Variants in VEPH1 observed in about 807,000 individuals in gnomAD.
VEPH1 encodes ventricular zone-expressed PH domain-containing protein homolog 1.
In VEPH1, 80 loss-of-function variants were observed where a neutral mutation model predicts 85.2. The ratio of observed to expected loss-of-function variants is 0.94; its 90% confidence interval spans 0.78 to 1.13. The LOEUF (loss-of-function observed/expected upper bound fraction) is 1.13. Among genes scored for constraint, VEPH1 ranks in the 50% most tolerant of loss-of-function variants. The pLI is 0.00. For synonymous variants in VEPH1, 297 were observed against 348.0 expected, an observed-to-expected ratio of 0.85 and a Z score of 1.63; for missense variants, 955 against 980.5, an observed-to-expected ratio of 0.97 and a Z score of 0.35.
At chr3:157,402,447 C>T (rs1316497568) in intron 6 of VEPH1, among the ~76,000 whole-genome samples, 1 of 152,100 alleles carries the variant, frequency 6.6e-6, no homozygotes, top group African/African-American at 2.4e-5. Context: ...CCTCTTAAAG[C>T]AGAAGGCAGC....
rs752668450 is a variant in VEPH1, at chr3:157,442,692, G to C, written c.530-14204C>G. 4 of 1,614,096 alleles carry C rather than the reference G, an allele frequency of 2.5e-6. No individual in the cohort carries two copies. The South Asian group carries it at 3.3e-5, about 13-fold the overall frequency. ...AGGGCTCACATCCTTGTGGGTAAATGGTGAACTGGCGGCTACCACTGTTGA... is the reference window on the plus strand; with the variant it reads ...AGGGCTCACATCCTTGTGGGTAAATCGTGAACTGGCGGCTACCACTGTTGA... On this transcript the variant is annotated intron_variant, in intron 4 of 13. Transcript: ENST00000362010.
At chr3:157,326,286 G>A (rs1721896628) in intron 9 of VEPH1, among the ~76,000 whole-genome samples, 2 of 152,146 alleles carry the variant, frequency 1.3e-5, no homozygotes, top group East Asian at 3.8e-4. Context: ...TTTGCCTTCT[G>A]AGTACATAGC....
intron 6 of VEPH1, among the ~76,000 whole-genome samples, chr3:157,413,280 A>ATGCCAT (rs1158796792): frequency 2.6e-5 from 4 of 152,180 alleles, no homozygotes; most frequent in African/African-American, 9.6e-5. Flanking sequence ...CTACTGAAAG[A>ATGCCAT]TGCCATTATG....
At chr3:157,281,227 G>A (rs1317602739) in intron 12 of VEPH1, among the ~76,000 whole-genome samples, 4 of 152,082 alleles carry the variant, frequency 2.6e-5, no homozygotes, top group African/African-American at 7.2e-5. Flanking sequence ...TAGGAAGATG[G>A]AAGATGGGGA....
At chr3:157,497,935 A>G (rs1739799960) in intron 1 of VEPH1, among the ~76,000 whole-genome samples, 1 of 152,220 alleles carries the variant, frequency 6.6e-6, no homozygotes, top group African/African-American at 2.4e-5. Context: ...TATTTTTCAA[A>G]GGGCTCTTTT....
rs116929325 is a variant in VEPH1, at chr3:157,486,154, C to A, written c.138+9058G>T. ...TCCAATAATATAGATATTAAGACAT[C>A]CAATAATTAGAGAATACACATTCCT... On this transcript the variant is annotated intron_variant, in intron 2 of 13. Coordinates refer to ENST00000362010, the MANE Select transcript of VEPH1 (RefSeq NM_001167912.2). Among the ~76,000 whole-genome samples the A allele has an allele frequency of 7.5e-3, 1,136 of 152,132 alleles. 22 individuals carry two copies. Among genetic ancestry groups the A allele is most frequent in the East Asian group, 0.067 (348 of 5,174 alleles).
At chr3:157,389,183 G>T (rs1449168702) in intron 6 of VEPH1, among the ~76,000 whole-genome samples, 1 of 152,032 alleles carries the variant, frequency 6.6e-6, no homozygotes, top group Non-Finnish European at 1.5e-5. Context: ...TGAACCCATG[G>T]CCAACAGCAA....
rs916232303 is a variant in VEPH1 at position 157,286,590 on chromosome 3, A to C, written c.2095T>G (p.Cys699Gly). The C allele has an allele frequency of 6.2e-7, 1 of 1,614,108 alleles. No homozygotes were observed. Among genetic ancestry groups the C allele is most frequent in the Non-Finnish European group, 8.5e-7 (1 of 1,179,954 alleles). Reference protein sequence around the residue: ...GFSETAGAWQCFMCNNPEKAT... With the variant: ...GFSETAGAWQGFMCNNPEKAT... ...TTCTCAGGATTGTTGCACATGAAGC[A>C]TTGCCATGCTCCTGCTGTTTCACTG... Residue 699 changes from cysteine (C) to glycine (G), a missense_variant, in exon 12 of 14, where the codon TGC (cysteine) becomes GGC (glycine). Transcript: ENST00000362010.
chr3:157,495,858 C>T lies in VEPH1; in HGVS notation c.-157-352G>A, dbSNP rs1419954624. 2.0e-5 allele frequency among the ~76,000 whole-genome samples: 3 copies of T among 152,168 alleles called. 1 individual carries two copies. The highest frequency in any genetic ancestry group is 4.4e-5 in the Non-Finnish European group (3 of 68,026). On this transcript the variant is annotated intron_variant, in intron 1 of 13. Coordinates refer to ENST00000362010, the MANE Select transcript of VEPH1 (RefSeq NM_001167912.2). Reference sequence around the variant, plus strand: ...TCCTCAAAAAGATTCTCATGGGAATCAAACAGAAAGGGAGAACAAAAGGAA... The same window carrying T: ...TCCTCAAAAAGATTCTCATGGGAATTAAACAGAAAGGGAGAACAAAAGGAA...
intron 1 of VEPH1, 69 bp downstream of exon 1, chr3:157,503,208 C>T (rs1452256868): frequency 1.3e-5 from 2 of 152,250 alleles, no homozygotes; most frequent in Non-Finnish European, 2.9e-5. Flanking sequence ...TTCTTTGCAG[C>T]CTCTGACATT....
At chr3:157,332,243 A>G (rs891395303) in intron 9 of VEPH1, among the ~76,000 whole-genome samples, 4 of 152,234 alleles carry the variant, frequency 2.6e-5, no homozygotes, top group Non-Finnish European at 5.9e-5. Context: ...AATACATGTA[A>G]CATAAAATTT....
At chr3:157,378,306 G>GTATATATATA (rs56800722) in intron 7 of VEPH1, among the ~76,000 whole-genome samples, 2 of 94,636 alleles carry the variant, frequency 2.1e-5, no homozygotes, top group Non-Finnish European at 4.0e-5. Context: ...TTTTTGAATG[G>GTATATATATA]TATATATATA....
chr3:157,263,572 TA>T (rs1713202210), intron 13 of VEPH1, among the ~76,000 whole-genome samples: 1 of 152,120 alleles, frequency 6.6e-6, no homozygotes, highest in African/African-American at 2.4e-5. Context: ...GAACCTATGC[TA>T]AAAAAATTTC....
intron 12 of VEPH1, among the ~76,000 whole-genome samples, chr3:157,272,328 C>T (rs6771044): frequency 6.9e-6 from 1 of 144,750 alleles, no homozygotes; most frequent in Non-Finnish European, 1.5e-5. Flanking sequence ...CTCTCTCTCT[C>T]TCTTTCTTTC....
In VEPH1 at chr3:157,415,536, G is replaced by A. The variant is rs1039482470; in HGVS notation, c.697-1446C>T. 9.1e-4 allele frequency among the ~76,000 whole-genome samples: 138 copies of A among 152,064 alleles called. 4 individuals carry two copies. The highest frequency in any genetic ancestry group is 2.2e-4 in the Non-Finnish European group (15 of 67,998). On this transcript the variant is annotated intron_variant, in intron 5 of 13. Transcript: ENST00000362010. ...GGGTTATTCCAACAGCCTCCTAACA[G>A]GTCTCCCTGTCTTCAGTCTTGCCCA...
At chr3:157,344,336 C>A (rs533494022) in intron 9 of VEPH1, among the ~76,000 whole-genome samples, 1 of 152,144 alleles carries the variant, frequency 6.6e-6, no homozygotes, top group African/African-American at 2.4e-5. Context: ...AAAGTCTCAG[C>A]ATACAAAATC....
chr3:157,442,465 T>C lies in VEPH1; in HGVS notation c.530-13977A>G, dbSNP rs1194862765. ...AGGCTTGAGTCTTTTAGTGCCTGCA[T>C]TTGGGTCAAAGCCACAGATGTATTA... On this transcript the variant is annotated intron_variant, in intron 4 of 13. Transcript: ENST00000362010. 9 of 1,614,216 alleles carry C rather than the reference T, an allele frequency of 5.6e-6. No individual in the cohort carries two copies. Among genetic ancestry groups the C allele is most frequent in the Admixed American group, 1.7e-5 (1 of 60,020 alleles).
Position 157,364,492 on chromosome 3 carries a change from A to G in VEPH1, c.1148T>C (p.Ile383Thr), listed in dbSNP as rs1237666655. 1 of 1,613,782 alleles carries G rather than the reference A, an allele frequency of 6.2e-7. No homozygotes were observed. Residue 383 changes from isoleucine (I) to threonine (T), a missense_variant, in exon 8 of 14, where the codon ATT becomes ACT. Coordinates refer to ENST00000362010, the MANE Select transcript of VEPH1 (RefSeq NM_001167912.2). Reference protein sequence around the residue: ...GSGRRKISTEIEFPEKLEETK... With the variant: ...GSGRRKISTETEFPEKLEETK... Reference sequence around the variant, plus strand: ...TTCTTCCAGTTTCTCAGGGAATTCAATTTCAGTGCTGATTTTTCTCCTAAA... The same window carrying G: ...TTCTTCCAGTTTCTCAGGGAATTCAGTTTCAGTGCTGATTTTTCTCCTAAA...
intron 2 of VEPH1, among the ~76,000 whole-genome samples, chr3:157,485,638 A>G (rs1047599995): frequency 7.9e-5 from 12 of 152,098 alleles, no homozygotes; most frequent in African/African-American, 2.9e-4. Context: ...AACACAAATA[A>G]AATGAAGAAA....
Sources: allele counts gnomAD v4.1 joint callset (sites outside exome capture counted in the v4.1 genomes callset), GRCh38; gene constraint gnomAD v4.1.1; transcripts MANE v1.5; gene names NCBI Gene and HGNC (gene_info 2026-07-23, HGNC 2026-07-21).